The following TMC5 variants were observed in gnomAD, a reference collection of about 807,000 sequenced individuals.
TMC5 encodes transmembrane channel-like protein 5.
TMC5 carries 86 observed loss-of-function variants against 110.5 expected under a neutral mutation model. The ratio of observed to expected loss-of-function variants is 0.78; its 90% CI spans 0.65 to 0.93. TMC5 has a LOEUF of 0.93. Ranked by LOEUF, TMC5 falls within the 40% of genes least tolerant of loss-of-function variation. TMC5 has a pLI of 0.00. For synonymous variants in TMC5, 455 were observed against 439.5 expected (o/e 1.04, Z -0.44); for missense variants, 1,144 against 1,222.8 (o/e 0.94, Z 0.96).
chr16:19,444,561 T>C (rs1462304767), intron 4 of TMC5, among the ~76,000 whole-genome samples: 1 of 152,174 alleles, frequency 6.6e-6, no homozygotes, highest in Non-Finnish European at 1.5e-5. Context: ...TGGCAAGATC[T>C]TCATATTTTT....
intron 2 of TMC5, among the ~76,000 whole-genome samples, chr16:19,431,322 C>T (rs533852561): frequency 2.6e-5 from 4 of 152,136 alleles, no homozygotes; most frequent in Admixed American, 1.3e-4. Flanking sequence ...GGGTGGATTG[C>T]CTGAGGTCAG....
At chr16:19,468,476 A>ACC (rs11444172) in intron 9 of TMC5, among the ~76,000 whole-genome samples, 5 of 150,196 alleles carry the variant, frequency 3.3e-5, no homozygotes, top group African/African-American at 4.9e-5. Context: ...ATCTCCCCCG[A>ACC]CCCCCCCCAG....
At position 19,422,013 on chromosome 16, in the gene TMC5, G is replaced by A. The variant is rs184032686; in HGVS notation, c.-308+3921G>A. Among the ~76,000 whole-genome samples, 1,335 of 150,940 alleles carry A rather than the reference G, an allele frequency of 8.8e-3. 67 individuals carry two copies. The highest frequency in any genetic ancestry group is 0.067 in the Admixed American group (1,008 of 15,132). On this transcript the variant is annotated intron_variant, in intron 1 of 21. Transcript: ENST00000542583. ...TGGAAGGCCGAGGTGGGCGGATCAC[G>A]AGGTCAGGAGATCAAGACCATCCTG...
At chr16:19,435,687 CT>C (rs2143440145) in intron 2 of TMC5, among the ~76,000 whole-genome samples, 1 of 152,266 alleles carries the variant, frequency 6.6e-6, no homozygotes, top group East Asian at 1.9e-4. Flanking sequence ...TCACTCACCT[CT>C]TTCCTTCCTC....
chr16:19,414,778 G>A (rs967320123), upstream of TMC5, among the ~76,000 whole-genome samples: 1 of 151,474 alleles, frequency 6.6e-6, no homozygotes, highest in Non-Finnish European at 1.5e-5. Context: ...GGGCATAGTG[G>A]TGAGTTCCTG....
chr16:19,440,969 C>A (rs1190658603), intron 3 of TMC5, 143 bp downstream of exon 3: 2 of 799,666 alleles, frequency 2.5e-6, no homozygotes, highest in East Asian at 2.7e-5. Flanking sequence ...ATGCGCATAC[C>A]TATCTGTAGA....
At chr16:19,470,934 G>A (rs1185171745) in intron 10 of TMC5, among the ~76,000 whole-genome samples, 2 of 151,954 alleles carry the variant, frequency 1.3e-5, no homozygotes, top group Non-Finnish European at 2.9e-5. Flanking sequence ...TACTCAGGAG[G>A]CTGAGGCTGG....
At chr16:19,435,675 C>T (rs896188393) in intron 2 of TMC5, among the ~76,000 whole-genome samples, 1 of 152,134 alleles carries the variant, frequency 6.6e-6, no homozygotes, top group Non-Finnish European at 1.5e-5. Context: ...AATTCCTAGT[C>T]ATCACTCACC....
At chr16:19,464,563 T>C (rs1191392085) in intron 8 of TMC5, among the ~76,000 whole-genome samples, 1 of 152,234 alleles carries the variant, frequency 6.6e-6, no homozygotes, top group Non-Finnish European at 1.5e-5. Context: ...ATATGGACAC[T>C]TCTGTGCACG....
intron 4 of TMC5, 132 bp downstream of exon 4, chr16:19,444,382 T>TTA: frequency 1.3e-6 from 1 of 754,384 alleles, no homozygotes; most frequent in Non-Finnish European, 2.1e-6. Context: ...CCCTTGTTTT[T>TTA]ACATACAAAA....
At chr16:19,425,407 G>A (rs1967071112) in intron 1 of TMC5, among the ~76,000 whole-genome samples, 1 of 145,554 alleles carries the variant, frequency 6.9e-6, no homozygotes, top group Non-Finnish European at 1.5e-5. Flanking sequence ...ATCTGGTTCT[G>A]ACTTTCTTTA....
chr16:19,494,900 C>T (rs1270811312), intron 20 of TMC5, among the ~76,000 whole-genome samples: 2 of 152,032 alleles, frequency 1.3e-5, no homozygotes, highest in South Asian at 2.1e-4. Context: ...CCCCCGCCCT[C>T]ATGGAACTTG....
In TMC5 at chr16:19,448,717, A is replaced by G. The variant is rs538389689; in HGVS notation, c.959-825A>G. Among the ~76,000 whole-genome samples, 37 of 145,310 alleles carry G rather than the reference A, an allele frequency of 2.5e-4. 2 individuals carry two copies. The South Asian group carries it at 7.8e-3, about 31-fold the overall frequency. ...TAATATATATATTTTAATATATTAT[A>G]TTTATTTTTATATTATATAACATAT... On this transcript the variant is annotated intron_variant, in intron 4 of 21. Coordinates refer to ENST00000542583, the MANE Select transcript of TMC5 (RefSeq NM_001261841.2).
At chr16:19,484,812 C>CT (rs1161136361) in intron 15 of TMC5, among the ~76,000 whole-genome samples, 3 of 149,842 alleles carry the variant, frequency 2.0e-5, no homozygotes, top group Admixed American at 6.7e-5. Flanking sequence ...ACTTCTGGGC[C>CT]TTTGAGATTT....
chr16:19,492,088 T>C (rs1968921896), intron 18 of TMC5, 62 bp from the exon 19 acceptor site: 5 of 1,337,368 alleles, frequency 3.7e-6, no homozygotes, highest in Non-Finnish European at 5.3e-6. Flanking sequence ...TTGCATCCAG[T>C]GGAAATTCAG....
chr16:19,497,285 G>C (rs892016588), intron 21 of TMC5, 122 bp downstream of exon 21: 18 of 1,034,666 alleles, frequency 1.7e-5, no homozygotes, highest in Non-Finnish European at 2.6e-5. Context: ...ATCCAAACTG[G>C]CTTAAACAAA....
intron 4 of TMC5, among the ~76,000 whole-genome samples, chr16:19,446,770 A>G (rs979841207): frequency 2.0e-5 from 3 of 152,214 alleles, no homozygotes; most frequent in African/African-American, 4.8e-5. Flanking sequence ...GCTCTATAGA[A>G]CATTGGAAGA....
chr16:19,490,359 T>G (rs1219409481), intron 17 of TMC5, 36 bp from the exon 18 acceptor site: 1 of 1,606,464 alleles, frequency 6.2e-7, no homozygotes, highest in Non-Finnish European at 8.5e-7. Flanking sequence ...CCCTGAGTCT[T>G]GTGCTAGAGA....
intron 6 of TMC5, chr16:19,462,506 G>A (rs1567313056): frequency 5.7e-6 from 4 of 701,806 alleles, no homozygotes; most frequent in Admixed American, 4.0e-5. Context: ...CACACAGCAG[G>A]GGAGGCCTCA....
Sources: allele counts gnomAD v4.1 joint callset (sites outside exome capture counted in the v4.1 genomes callset), GRCh38; gene constraint gnomAD v4.1.1; transcripts MANE v1.5; gene names NCBI Gene and HGNC (gene_info 2026-07-23, HGNC 2026-07-21).